TRPM3: variants seen among roughly 807,000 people sequenced by gnomAD.
The protein encoded by TRPM3 is transient receptor potential cation channel subfamily M member 3.
A neutral mutation model predicts 181.2 loss-of-function variants in TRPM3; 77 were observed. The ratio of observed to expected loss-of-function variants is 0.42; its 90% CI spans 0.35 to 0.51. TRPM3 has a LOEUF of 0.51. TRPM3 is among the 20% of genes least tolerant of loss of function. The pLI is 0.01. For missense variants in TRPM3, 1,759 were observed against 2,196.7 expected (o/e 0.80, Z 3.98); for synonymous variants, 745 against 796.4 (o/e 0.94, Z 1.09).
rs17519691 is a variant in TRPM3, at chr9:70,984,956, G to T, written c.178-120445C>A. Among the ~76,000 whole-genome samples the T allele has an allele frequency of 1.8e-3, 271 of 152,320 alleles. 1 individual carries two copies. The highest frequency in any genetic ancestry group is 2.9e-3 in the Non-Finnish European group (198 of 68,030). ...AGAGTTTCCTGAATCTTTGTCCTAG[G>T]TTCTAGCTTTTTGCTGTTGGGTTAT... On this transcript the variant is annotated intron_variant, in intron 1 of 25. Transcript: ENST00000677713.
intron 9 of TRPM3, among the ~76,000 whole-genome samples, chr9:70,647,975 C>T (rs905804182): frequency 1.3e-5 from 2 of 152,028 alleles, no homozygotes; most frequent in Non-Finnish European, 2.9e-5. Context: ...TTTAGGAATA[C>T]CTAGCAAACA....
intron 7 of TRPM3, among the ~76,000 whole-genome samples, chr9:70,777,916 A>AAT (rs140076954): frequency 1.3e-3 from 191 of 152,192 alleles, no homozygotes; most frequent in African/African-American, 4.5e-3. Context: ...ATTAGGGATT[A>AAT]ATATATATAC....
chr9:71,220,486 G>T (rs566481348), intron 1 of TRPM3, among the ~76,000 whole-genome samples: 207 of 151,750 alleles, frequency 1.4e-3, no homozygotes, highest in African/African-American at 4.6e-3. Flanking sequence ...TAATTTAAGG[G>T]CCAACTGAAA....
In TRPM3 at chr9:71,327,337, G is replaced by A. The variant is rs148195343; in HGVS notation, c.183+119316C>T. On this transcript the variant is annotated intron_variant, in intron 1 of 24. Coordinates refer to the TRPM3 transcript ENST00000357533. ...GTGACTTAATGTGCTGGTGTTTCTG[G>A]GGGATGTCTAACCACCTGTCATGCT... is the stretch of plus-strand genomic sequence containing the variant. Among the ~76,000 whole-genome samples the A allele has an allele frequency of 7.4e-3, 1,130 of 152,304 alleles. 11 individuals are homozygous for A. The highest frequency in any genetic ancestry group is 0.025 in the African/African-American group (1,026 of 41,570).
chr9:71,292,431 AT>A (rs1038519814), intron 1 of TRPM3, among the ~76,000 whole-genome samples: 10 of 152,126 alleles, frequency 6.6e-5, no homozygotes, highest in African/African-American at 1.9e-4. Flanking sequence ...AAAAATACTG[AT>A]TTTTTTATAG....
intron 9 of TRPM3, among the ~76,000 whole-genome samples, chr9:70,645,763 A>G (rs1429106507): frequency 6.6e-6 from 1 of 151,930 alleles, no homozygotes; most frequent in African/African-American, 2.4e-5. Flanking sequence ...AATAAAAAAA[A>G]TAAATAAAAC....
intron 1 of TRPM3, among the ~76,000 whole-genome samples, chr9:71,302,647 G>T (rs1042740612): frequency 6.6e-6 from 1 of 152,122 alleles, no homozygotes; most frequent in Non-Finnish European, 1.5e-5. Context: ...AACAATACTT[G>T]TAAGAGCCAG....
chr9:70,916,740 A>G (rs2096598910), intron 1 of TRPM3, among the ~76,000 whole-genome samples: 1 of 152,272 alleles, frequency 6.6e-6, no homozygotes, highest in African/African-American at 2.4e-5. Context: ...ATAGGAAATA[A>G]GAAAGAAAAT....
chr9:70,616,146 C>G, intron 17 of TRPM3, 71 bp from the exon 18 acceptor site: 1 of 1,254,222 alleles, frequency 8.0e-7, no homozygotes, highest in Non-Finnish European at 1.1e-6. Context: ...TGTTTAGAAT[C>G]AGAGAGCCTG....
intron 5 of TRPM3, among the ~76,000 whole-genome samples, chr9:70,842,762 AG>A (rs956589659): frequency 1.3e-5 from 2 of 152,118 alleles, no homozygotes; most frequent in Admixed American, 6.6e-5. Flanking sequence ...TTAAGCAGAG[AG>A]GGGGTAGGTG....
chr9:70,955,422 ACTGTATAAC>A (rs1046777281), intron 1 of TRPM3, among the ~76,000 whole-genome samples: 1 of 152,202 alleles, frequency 6.6e-6, no homozygotes, highest in African/African-American at 2.4e-5. Flanking sequence ...GTTCCACATG[ACTGTATAAC>A]ATCAGTAGAA....
intron 1 of TRPM3, among the ~76,000 whole-genome samples, chr9:71,167,634 G>A (rs1304931492): frequency 1.3e-5 from 2 of 152,088 alleles, no homozygotes; most frequent in East Asian, 3.9e-4. Context: ...CCAGAATTCT[G>A]AGAGCCATAG....
At chr9:71,125,833 G>T (rs968466947), upstream of TRPM3, among the ~76,000 whole-genome samples, 1 of 152,094 alleles carries the variant, frequency 6.6e-6, no homozygotes, top group African/African-American at 2.4e-5. Context: ...TGACGAACAT[G>T]TCAAAAGCAA....
chr9:71,439,778 A>T (rs2094108209), intron 1 of TRPM3, among the ~76,000 whole-genome samples: 1 of 152,148 alleles, frequency 6.6e-6, no homozygotes, highest in African/African-American at 2.4e-5. Flanking sequence ...CATGTTCTCT[A>T]CTATTTTTGT....
At chr9:71,246,132 C>T (rs1424829460) in intron 1 of TRPM3, among the ~76,000 whole-genome samples, 2 of 152,114 alleles carry the variant, frequency 1.3e-5, no homozygotes, top group Non-Finnish European at 2.9e-5. Flanking sequence ...ATTTGGTGGT[C>T]TAACCTTCCC....
At chr9:71,327,228 G>T (rs1219078204) in intron 1 of TRPM3, among the ~76,000 whole-genome samples, 1 of 152,188 alleles carries the variant, frequency 6.6e-6, no homozygotes, top group Non-Finnish European at 1.5e-5. Context: ...TTACAATTTT[G>T]TTCAAATGTT....
At chr9:71,154,181 A>G (rs1249856947) in intron 1 of TRPM3, among the ~76,000 whole-genome samples, 1 of 152,188 alleles carries the variant, frequency 6.6e-6, no homozygotes, top group Non-Finnish European at 1.5e-5. Flanking sequence ...TACTTCAAAT[A>G]AACACTTATG....
intron 1 of TRPM3, among the ~76,000 whole-genome samples, chr9:71,275,865 A>G (rs7852254): frequency 0.53 from 79,846 of 150,020 alleles, 21,446 homozygotes; most frequent in African/African-American, 0.62. Flanking sequence ...TTTTTGAGAC[A>G]GAGTCTTGCT....
At chr9:71,261,388 C>T (rs1377868485) in intron 1 of TRPM3, among the ~76,000 whole-genome samples, 1 of 152,156 alleles carries the variant, frequency 6.6e-6, no homozygotes, top group Non-Finnish European at 1.5e-5. Flanking sequence ...ACTGGTTATT[C>T]TAGTTCGCAA....
Sources: gnomAD v4.1 joint callset for allele counts (sites outside exome capture counted in the v4.1 genomes callset) on GRCh38, gnomAD v4.1.1 for gene constraint, MANE v1.5 for transcripts, NCBI Gene and HGNC (gene_info 2026-07-23, HGNC 2026-07-21) for gene names.